Variants in SUSD6 observed in about 807,000 individuals in gnomAD.
SUSD6 encodes sushi domain-containing protein 6.
Under a neutral mutation model 28.4 loss-of-function variants are expected in SUSD6, and 16 were observed. The observed-to-expected ratio is 0.56, with a 90% CI of 0.38 to 0.86. The LOEUF is 0.86. SUSD6 is among the 40% of genes least tolerant of loss of function. The pLI, the probability that SUSD6 is intolerant of heterozygous loss-of-function variation, is 0.00. For missense variants in SUSD6, 341 were observed against 384.2 expected (o/e 0.89, Z 0.94); for synonymous variants, 147 against 159.6 (o/e 0.92, Z 0.59).
At chr14:69,684,733 G>A (rs1031921335) in intron 2 of SUSD6, among the ~76,000 whole-genome samples, 1 of 152,246 alleles carries the variant, frequency 6.6e-6, no homozygotes, top group African/African-American at 2.4e-5. Context: ...AGGCCAGGGG[G>A]CAGGTCAGGC....
At chr14:69,680,576 G>A (rs1382289008) in intron 2 of SUSD6, among the ~76,000 whole-genome samples, 2 of 151,952 alleles carry the variant, frequency 1.3e-5, no homozygotes, top group Non-Finnish European at 2.9e-5. Context: ...AAGACTTATG[G>A]TAAGGTCCAT....
At chr14:69,691,341 ACT>A (rs1886150057) in intron 2 of SUSD6, among the ~76,000 whole-genome samples, 3 of 151,898 alleles carry the variant, frequency 2.0e-5, no homozygotes, top group Admixed American at 1.3e-4. Context: ...ACAGAGCAAA[ACT>A]CTATCTCAAA....
chr14:69,615,114 A>G (rs749673256), intron 1 of SUSD6, among the ~76,000 whole-genome samples: 1 of 152,190 alleles, frequency 6.6e-6, no homozygotes, highest in Non-Finnish European at 1.5e-5. Flanking sequence ...CTTCTTTTCA[A>G]CTTTGAGAGC....
intron 1 of SUSD6, among the ~76,000 whole-genome samples, chr14:69,648,874 TTAAG>T (rs1351531217): frequency 6.6e-6 from 1 of 152,152 alleles, no homozygotes; most frequent in Admixed American, 6.5e-5. Flanking sequence ...GCAGACAAAA[TTAAG>T]TTTTTTTTCC....
chr14:69,710,456 C>T (rs1223585406), intron 5 of SUSD6, among the ~76,000 whole-genome samples: 3 of 152,230 alleles, frequency 2.0e-5, no homozygotes, highest in African/African-American at 7.2e-5. Context: ...GAAAACAAGA[C>T]ACATTAAGTC....
intron 2 of SUSD6, among the ~76,000 whole-genome samples, chr14:69,682,340 AAAAG>A (rs1421860762): frequency 6.6e-6 from 1 of 152,178 alleles, no homozygotes; most frequent in East Asian, 1.9e-4. Flanking sequence ...TTGTCTCAAA[AAAAG>A]AGAGAAAGAA....
intron 1 of SUSD6, among the ~76,000 whole-genome samples, chr14:69,620,681 C>G (rs925758638): frequency 6.6e-6 from 1 of 152,196 alleles, no homozygotes; most frequent in African/African-American, 2.4e-5. Flanking sequence ...TTCCCCTAGT[C>G]TCCCCATTAA....
chr14:69,654,053 C>T (rs1405606147), intron 1 of SUSD6, among the ~76,000 whole-genome samples: 1 of 152,204 alleles, frequency 6.6e-6, no homozygotes, highest in Non-Finnish European at 1.5e-5. Context: ...CCCGTCTGTT[C>T]TGCACCTGTC....
At chr14:69,660,594 G>T (rs1476173271) in intron 2 of SUSD6, among the ~76,000 whole-genome samples, 1 of 152,258 alleles carries the variant, frequency 6.6e-6, no homozygotes. Flanking sequence ...GAACCACAGA[G>T]TGTGGTTGAC....
intron 5 of SUSD6, 101 bp downstream of exon 5, chr14:69,709,205 CA>C (rs961859841): frequency 1.4e-4 from 156 of 1,129,162 alleles, no homozygotes; most frequent in African/African-American, 5.2e-4. Flanking sequence ...ATATTTTTAG[CA>C]AAAAAAAGAT....
chr14:69,633,623 C>T (rs1177078452), intron 1 of SUSD6, among the ~76,000 whole-genome samples: 1 of 152,168 alleles, frequency 6.6e-6, no homozygotes, highest in Non-Finnish European at 1.5e-5. Flanking sequence ...TCACAAATAG[C>T]TGCAGCTTAT....
intron 2 of SUSD6, among the ~76,000 whole-genome samples, chr14:69,702,687 A>C (rs1051987524): frequency 6.6e-6 from 1 of 152,254 alleles, no homozygotes; most frequent in Admixed American, 6.5e-5. Context: ...GCTTGGCTAA[A>C]AGTCACTTAA....
In SUSD6 at chr14:69,713,926, A is replaced by AG. The variant is rs1261630935; in HGVS notation, c.*2950dup. ...TGCAGTCACATTCTAATGACTTTCAAGGGCCAGAATATGGTGAAAATCACT... is the reference window on the plus strand; with the variant it reads ...TGCAGTCACATTCTAATGACTTTCAAGGGGCCAGAATATGGTGAAAATCACT... On this transcript the variant is annotated 3_prime_UTR_variant, in exon 6 of 6. Transcript: ENST00000342745. 6.7e-6 allele frequency: 1 copy of AG among 150,302 alleles called. No individual in the cohort carries two copies. The highest frequency in any genetic ancestry group is 6.6e-5 in the Admixed American group (1 of 15,100). 9.3% of individuals were successfully genotyped at this position (150,302 alleles called of 1,614,324 possible).
chr14:69,672,875 T>G (rs1885854662), intron 2 of SUSD6, among the ~76,000 whole-genome samples: 2 of 152,236 alleles, frequency 1.3e-5, no homozygotes, highest in Non-Finnish European at 2.9e-5. Context: ...CTCACCAGCC[T>G]AGAGCTGGCA....
At chr14:69,654,362 G>T (rs1405484988) in intron 1 of SUSD6, among the ~76,000 whole-genome samples, 1 of 152,204 alleles carries the variant, frequency 6.6e-6, no homozygotes. Context: ...TCTCAGCCTG[G>T]TGTGGTGAGA....
rs758597665 is a variant in SUSD6 at position 69,703,473 on chromosome 14, G to A, written c.200G>A (p.Gly67Asp). The change falls in exon 3 of 6, where the codon GGC (glycine) becomes GAC (aspartate). Residue 67 changes from glycine (G) to aspartate (D), a missense_variant. By Grantham distance (94) the Gly-to-Asp change is moderately conservative. Coordinates refer to ENST00000342745, the MANE Select transcript of SUSD6 (RefSeq NM_014734.4). ...CCCTGCAGAGACCCCCTGACAGCAG[G>A]CAGTGTCATCGAATACCTGTGTGCT... ...PRPCRDPLTAGSVIEYLCAEG... is the reference protein window; with the variant it reads ...PRPCRDPLTADSVIEYLCAEG... The A allele has an allele frequency of 6.2e-7, 1 of 1,614,150 alleles. No individual in the cohort carries two copies. Among genetic ancestry groups the A allele is most frequent in the Non-Finnish European group, 8.5e-7 (1 of 1,179,978 alleles).
chr14:69,658,738 T>C, intron 2 of SUSD6, 25 bp downstream of exon 2: 3 of 1,613,700 alleles, frequency 1.9e-6, no homozygotes, highest in Non-Finnish European at 1.7e-6. Context: ...GCCTTCTGTG[T>C]GTGGGTGGGA....
chr14:69,707,545 C>G (rs1339087383), intron 4 of SUSD6, among the ~76,000 whole-genome samples: 2 of 152,096 alleles, frequency 1.3e-5, no homozygotes, highest in African/African-American at 4.8e-5. Context: ...TGCCTGAGCC[C>G]AGGAGTTCAA....
At chr14:69,686,904 C>T (rs1003738851) in intron 2 of SUSD6, among the ~76,000 whole-genome samples, 1 of 152,168 alleles carries the variant, frequency 6.6e-6, no homozygotes, top group Non-Finnish European at 1.5e-5. Flanking sequence ...ATGCTTTTCC[C>T]CACATGTTGT....
Sources: gnomAD v4.1 joint callset for allele counts (sites outside exome capture counted in the v4.1 genomes callset) on GRCh38, gnomAD v4.1.1 for gene constraint, MANE v1.5 for transcripts, NCBI Gene and HGNC (gene_info 2026-07-23, HGNC 2026-07-21) for gene names.